Variants in XRN1 observed in about 807,000 individuals in gnomAD.
XRN1 encodes the protein strand-exchange protein 1 homolog.
In XRN1, 67 loss-of-function variants were observed where a neutral mutation model predicts 222.3. The ratio of observed to expected loss-of-function variants is 0.30; its 90% CI spans 0.25 to 0.37. The LOEUF is 0.37. XRN1 is among the 10% of genes least tolerant of loss of function. The pLI is 1.00. For synonymous variants in XRN1, 643 were observed against 652.4 expected, an observed-to-expected ratio of 0.99 and a Z score of 0.22; for missense variants, 1,707 against 2,000.2, an observed-to-expected ratio of 0.85 and a Z score of 2.80.
chr3:142,376,160 G>T, intron 24 of XRN1: 1 of 787,302 alleles, frequency 1.3e-6, no homozygotes. Context: ...AGTTAACAAA[G>T]CATGTAAATA....
chr3:142,396,208 A>G (rs2067924228), intron 20 of XRN1, among the ~76,000 whole-genome samples: 1 of 152,232 alleles, frequency 6.6e-6, no homozygotes. Flanking sequence ...ACATATATAA[A>G]CAAATGACTA....
chr3:142,383,198 T>C (rs2067366155), intron 22 of XRN1, 102 bp downstream of exon 22: 1 of 911,734 alleles, frequency 1.1e-6, no homozygotes, highest in Middle Eastern at 2.5e-4. Context: ...TCTTTATTTT[T>C]TCCCTTCATT....
At chr3:142,442,846 G>A (rs1414345276) in intron 1 of XRN1, among the ~76,000 whole-genome samples, 1 of 151,994 alleles carries the variant, frequency 6.6e-6, no homozygotes, top group African/African-American at 2.4e-5. Flanking sequence ...CCATTCTCCT[G>A]CCTCAGCCTC....
At chr3:142,421,889 T>C (rs952630614) in intron 8 of XRN1, among the ~76,000 whole-genome samples, 1 of 152,054 alleles carries the variant, frequency 6.6e-6, no homozygotes, top group East Asian at 1.9e-4. Flanking sequence ...TGGTCTGTTT[T>C]ATTTGGCATC....
In XRN1 at chr3:142,433,042, C is replaced by A. The variant is rs912399923; in HGVS notation, c.76-149G>T. 10 of 644,152 alleles carry A rather than the reference C, an allele frequency of 1.6e-5. No homozygotes were observed. The East Asian group carries it at 2.9e-4, about 19-fold the overall frequency. 39.9% of individuals were successfully genotyped at this position (644,152 alleles called of 1,614,324 possible). A position where few individuals can be genotyped will look rare whatever the true frequency, so the allele number is the denominator to read the frequency against. On this transcript the variant is annotated intron_variant, in intron 1 of 40. Transcript: ENST00000392981. ...CTGAGTAAACAATCACAGATGAATA[C>A]AAAAAGTAAAGAATTGGTAATATGG...
intron 18 of XRN1, among the ~76,000 whole-genome samples, chr3:142,402,132 T>C (rs1435318672): frequency 6.6e-6 from 1 of 152,152 alleles, no homozygotes; most frequent in East Asian, 1.9e-4. Flanking sequence ...TATCCTTCTC[T>C]CTCTCCAAGC....
chr3:142,439,689 G>C (rs1320645511), intron 1 of XRN1, among the ~76,000 whole-genome samples: 5 of 151,952 alleles, frequency 3.3e-5, no homozygotes, highest in Admixed American at 3.3e-4. Flanking sequence ...TACTGAACTT[G>C]GCAACCTTGT....
intron 40 of XRN1, among the ~76,000 whole-genome samples, chr3:142,312,051 C>T (rs555363817): frequency 1.3e-5 from 2 of 152,038 alleles, no homozygotes; most frequent in African/African-American, 4.8e-5. Context: ...CTTTGGGAGG[C>T]CGAGGCAGGT....
intron 22 of XRN1, among the ~76,000 whole-genome samples, chr3:142,382,637 C>A (rs375736412): frequency 2.0e-5 from 3 of 152,228 alleles, no homozygotes; most frequent in East Asian, 1.9e-4. Context: ...AGCAATTTCT[C>A]TGAGAAGCCC....
intron 15 of XRN1, 148 bp downstream of exon 15, chr3:142,412,396 T>C (rs577681495): frequency 7.6e-5 from 88 of 1,151,402 alleles, no homozygotes; most frequent in Admixed American, 2.4e-4. Context: ...TTGGCATACC[T>C]GGAAGTTTTT....
intron 20 of XRN1, among the ~76,000 whole-genome samples, chr3:142,394,998 T>A (rs1268900872): frequency 6.6e-6 from 1 of 152,218 alleles, no homozygotes; most frequent in Non-Finnish European, 1.5e-5. Flanking sequence ...TTAGTTAAGA[T>A]ACATGGAGAT....
chr3:142,424,686 A>T (rs2069177088), intron 5 of XRN1, among the ~76,000 whole-genome samples: 1 of 152,168 alleles, frequency 6.6e-6, no homozygotes, highest in African/African-American at 2.4e-5. Context: ...AATTAATGAT[A>T]AAATGTTTAG....
intron 15 of XRN1, among the ~76,000 whole-genome samples, chr3:142,406,714 G>C (rs2068355517): frequency 1.3e-5 from 2 of 151,574 alleles, no homozygotes; most frequent in Admixed American, 6.6e-5. Context: ...TTTTGGTAGA[G>C]GTTGGGTCTT....
intron 33 of XRN1, among the ~76,000 whole-genome samples, chr3:142,342,815 T>C (rs1490951576): frequency 2.0e-5 from 3 of 152,112 alleles, no homozygotes; most frequent in African/African-American, 7.2e-5. Flanking sequence ...GCCTAAAGTA[T>C]GACAGTACTC....
chr3:142,377,230 AAAAG>A (rs1005918711), intron 23 of XRN1, among the ~76,000 whole-genome samples: 1 of 152,030 alleles, frequency 6.6e-6, no homozygotes, highest in African/African-American at 2.4e-5. Flanking sequence ...TAAAAAAAAA[AAAAG>A]AAGTAACAGA....
intron 5 of XRN1, among the ~76,000 whole-genome samples, chr3:142,423,963 G>T (rs2069142238): frequency 6.6e-6 from 1 of 151,926 alleles, no homozygotes; most frequent in African/African-American, 2.4e-5. Flanking sequence ...GGGGGAACTG[G>T]TTAGAAATTA....
At chr3:142,358,076 A>G (rs7628467) in intron 30 of XRN1, among the ~76,000 whole-genome samples, 1 of 151,996 alleles carries the variant, frequency 6.6e-6, no homozygotes, top group African/African-American at 2.4e-5. Context: ...AAACAAAAAC[A>G]AAAAAACGAA....
At chr3:142,397,691 T>C (rs942593247) in intron 19 of XRN1, among the ~76,000 whole-genome samples, 1 of 152,090 alleles carries the variant, frequency 6.6e-6, no homozygotes, top group Non-Finnish European at 1.5e-5. Flanking sequence ...GCATGGGAAG[T>C]ACAGAGGAAG....
rs139056982 is a variant in XRN1 at position 142,308,087 on chromosome 3, C to G, written c.*3424G>C. 20 of 152,164 alleles carry G rather than the reference C, an allele frequency of 1.3e-4. No individual in the cohort carries two copies. The highest frequency in any genetic ancestry group is 4.8e-4 in the African/African-American group (20 of 41,496). The allele number at this position is 152,164 out of a possible 1,614,324, so 9.4% of individuals were successfully genotyped here. The stretch of plus-strand genomic sequence containing the variant: ...GAACTAACTTGAGTGAAGATCTGCA[C>G]AGCTCTATCTCATATAATAAAAGTA... On this transcript the variant is annotated 3_prime_UTR_variant, in exon 41 of 41. Coordinates refer to ENST00000392981, the MANE Select transcript of XRN1 (RefSeq NM_001282857.2).
Sources: allele counts gnomAD v4.1 joint callset (sites outside exome capture counted in the v4.1 genomes callset), GRCh38; gene constraint gnomAD v4.1.1; transcripts MANE v1.5; gene names NCBI Gene and HGNC (gene_info 2026-07-23, HGNC 2026-07-21).